Variants in BANP observed in about 807,000 individuals in gnomAD.
BANP encodes the protein protein BANP.
Under a neutral mutation model 68.1 loss-of-function variants are expected in BANP, and 11 were observed. That is an observed-to-expected ratio of 0.16 (90% CI 0.10 to 0.27). The LOEUF (loss-of-function observed/expected upper bound fraction) is 0.27, where lower values mean the gene tolerates loss of function less well. BANP is among the 10% of genes least tolerant of loss of function. The pLI is 1.00. For synonymous variants in BANP, 329 were observed against 303.2 expected (o/e 1.09, Z -0.88); for missense variants, 504 against 722.7 (o/e 0.70, Z 3.47).
rs2070185349 is a variant in BANP, at chr16:88,003,943, TTTA to T, written c.363-348_363-346del. ...CATGCAAGTGTGCCACCCTAGAAGCTTTATTAACTGGGTGCGATAACAGCTGGT... is the reference window on the plus strand; with the variant it reads ...CATGCAAGTGTGCCACCCTAGAAGCTTTAACTGGGTGCGATAACAGCTGGT... On this transcript the variant is annotated intron_variant, in intron 4 of 13. Coordinates refer to ENST00000682872, the MANE Select transcript of BANP (RefSeq NM_001386991.1). The surrounding 1 kb of genome is among the most constrained non-coding windows in gnomAD (Gnocchi z 6.1). The T allele has an allele frequency of 3.2e-6, 1 of 316,104 alleles. No individual in the cohort carries two copies. Among genetic ancestry groups the T allele is most frequent in the Non-Finnish European group, 6.1e-6 (1 of 164,718 alleles). The allele number at this position is 316,104 out of a possible 1,614,324, so 19.6% of individuals were successfully genotyped here. A position where few individuals can be genotyped will look rare whatever the true frequency, so the allele number is the denominator to read the frequency against.
In BANP at chr16:87,958,409, T is replaced by TA. The variant is rs564237408; in HGVS notation, c.-69+6895dup. On this transcript the variant is annotated intron_variant, in intron 1 of 13. Transcript: ENST00000682872. ...ACTTGCAGTGATGAGTGTATGAACT[T>TA]ACCATCGTAGGCCCCAGTCGAGAGC... Among the ~76,000 whole-genome samples the TA allele has an allele frequency of 1.6e-4, 24 of 152,340 alleles. No individual in the cohort carries two copies. The South Asian group carries it at 4.8e-3, about 30-fold the overall frequency.
chr16:88,038,486 C>A (rs1373826605), intron 11 of BANP, among the ~76,000 whole-genome samples: 1 of 151,880 alleles, frequency 6.6e-6, no homozygotes, highest in Non-Finnish European at 1.5e-5. Context: ...CACCCCACCC[C>A]CTTCAGATGG....
At chr16:88,044,892 G>C (rs1043345349) in intron 11 of BANP, among the ~76,000 whole-genome samples, 16 of 152,142 alleles carry the variant, frequency 1.1e-4, no homozygotes, top group Non-Finnish European at 2.9e-5. Context: ...TGAGGCAGGA[G>C]AATGGCTTGA....
chr16:88,053,036 A>G (rs62046883), intron 11 of BANP, among the ~76,000 whole-genome samples: 2 of 131,684 alleles, frequency 1.5e-5, no homozygotes, highest in South Asian at 4.8e-4. Context: ...ACCCTAACAA[A>G]CACTACCATC....
At chr16:87,996,078 A>G (rs1473315057) in intron 4 of BANP, among the ~76,000 whole-genome samples, 1 of 152,206 alleles carries the variant, frequency 6.6e-6, no homozygotes, top group South Asian at 2.1e-4. Context: ...GTTGAGGGTT[A>G]GGCGGAGAAC....
At chr16:88,047,336 C>T (rs2082260578) in intron 11 of BANP, among the ~76,000 whole-genome samples, 1 of 152,164 alleles carries the variant, frequency 6.6e-6, no homozygotes, top group Non-Finnish European at 1.5e-5. Flanking sequence ...GCCAGTTTCT[C>T]CCCACATCTC....
chr16:87,959,144 T>G (rs1348417733), intron 1 of BANP, among the ~76,000 whole-genome samples: 1 of 152,238 alleles, frequency 6.6e-6, no homozygotes, highest in Non-Finnish European at 1.5e-5. Flanking sequence ...TGTAAGTGTT[T>G]CTGGCCTTGT....
At chr16:88,017,951 A>G (rs1300052430) in intron 6 of BANP, among the ~76,000 whole-genome samples, 1 of 151,536 alleles carries the variant, frequency 6.6e-6, no homozygotes, top group Non-Finnish European at 1.5e-5. Context: ...GGGCGACGCC[A>G]GGCCGGCTGC....
At position 88,006,164 on chromosome 16, in the gene BANP, G is replaced by A; in HGVS notation, c.554G>A (p.Gly185Glu). 6.2e-7 allele frequency: 1 copy of A among 1,614,076 alleles called. No individual in the cohort carries two copies. The highest frequency in any genetic ancestry group is 8.5e-7 in the Non-Finnish European group (1 of 1,179,956). Residue 185 changes from glycine to glutamate, a missense_variant, in exon 6 of 14, where the codon GGG (glycine) becomes GAG (glutamate). Physicochemically the swap from Gly to Glu is moderately conservative, Grantham distance 98. Around this residue, in one of 3 missense-constraint regions of BANP, gnomAD observed 238 missense variants for 278.9 expected, o/e 0.85. Coordinates refer to ENST00000682872, the MANE Select transcript of BANP (RefSeq NM_001386991.1). ...PGQEDSHHED[G>E]ESGSEASDSV... The stretch of plus-strand genomic sequence containing the variant: ...CAAGAAGACAGCCACCACGAGGACG[G>A]GGAGAGCGGCTCGGAGGCCAGCGAC...
At chr16:87,972,532 T>C (rs974971949) in intron 1 of BANP, among the ~76,000 whole-genome samples, 1 of 152,180 alleles carries the variant, frequency 6.6e-6, no homozygotes. Flanking sequence ...AAATACATGA[T>C]TTTTGCATGA....
At chr16:87,975,810 GCGT>G (rs1308858561) in intron 2 of BANP, among the ~76,000 whole-genome samples, 2 of 101,262 alleles carry the variant, frequency 2.0e-5, no homozygotes, top group Non-Finnish European at 5.4e-5. Context: ...CCTGTGTGCG[GCGT>G]CATGGAACCT....
intron 11 of BANP, among the ~76,000 whole-genome samples, chr16:88,038,283 T>G (rs1007023561): frequency 6.6e-6 from 1 of 151,760 alleles, no homozygotes; most frequent in South Asian, 2.1e-4. Flanking sequence ...TGCCAAGGAA[T>G]GGGGGCTCTC....
At chr16:88,043,952 G>T (rs868708417) in intron 11 of BANP, among the ~76,000 whole-genome samples, 1 of 152,200 alleles carries the variant, frequency 6.6e-6, no homozygotes, top group South Asian at 2.1e-4. Flanking sequence ...CTTTATTTTT[G>T]AGTGCATTTT....
At position 87,957,527 on chromosome 16, in the gene BANP, C is replaced by T. The variant is rs1383867628; in HGVS notation, c.-69+6012C>T. On this transcript the variant is annotated intron_variant, in intron 1 of 13. Coordinates refer to ENST00000682872, the MANE Select transcript of BANP (RefSeq NM_001386991.1). The surrounding 1 kb of genome is among the most constrained non-coding windows in gnomAD (Gnocchi z 4.3). ...TTGAGGCAAGCTCACGGAGGCCTGCCGCAGGGCCCTGCGCTGACAAACCTT... is the reference window on the plus strand; with the variant it reads ...TTGAGGCAAGCTCACGGAGGCCTGCTGCAGGGCCCTGCGCTGACAAACCTT... Among the ~76,000 whole-genome samples the T allele has an allele frequency of 1.3e-5, 2 of 152,204 alleles. No homozygotes were observed. The highest frequency in any genetic ancestry group is 2.1e-4 in the South Asian group (1 of 4,832).
Position 88,003,023 on chromosome 16 carries a change from C to G in BANP, c.363-1272C>G, listed in dbSNP as rs1422328350. Reference sequence around the variant, plus strand: ...CTCCACTTGGGGAACATACCAAGCTCGTGCAAGTCAGGTAGCCTCTCCAGT... The same window carrying G: ...CTCCACTTGGGGAACATACCAAGCTGGTGCAAGTCAGGTAGCCTCTCCAGT... On this transcript the variant is annotated intron_variant, in intron 4 of 13. Transcript: ENST00000682872. The surrounding 1 kb of genome is among the most constrained non-coding windows in gnomAD (Gnocchi z 6.1). Among the ~76,000 whole-genome samples, 1 of 152,152 alleles carries G rather than the reference C, an allele frequency of 6.6e-6. No homozygotes were observed. The highest frequency in any genetic ancestry group is 1.5e-5 in the Non-Finnish European group (1 of 68,030).
intron 12 of BANP, among the ~76,000 whole-genome samples, chr16:88,068,530 G>A (rs1220931601): frequency 6.6e-6 from 1 of 152,176 alleles, no homozygotes; most frequent in Non-Finnish European, 1.5e-5. Flanking sequence ...GAACTTTCTC[G>A]GGGCCAGGAG....
At chr16:88,047,098 A>C (rs1366212743) in intron 11 of BANP, among the ~76,000 whole-genome samples, 3 of 152,008 alleles carry the variant, frequency 2.0e-5, no homozygotes, top group Non-Finnish European at 4.4e-5. Flanking sequence ...TATCATGTGA[A>C]CGTGTTTTGG....
chr16:88,068,286 G>C (rs1332637118), intron 12 of BANP, among the ~76,000 whole-genome samples: 1 of 152,240 alleles, frequency 6.6e-6, no homozygotes, highest in African/African-American at 2.4e-5. Flanking sequence ...CACCTGGTTG[G>C]CGTGAACCTT....
chr16:88,044,981 C>G (rs1277989580), intron 11 of BANP, among the ~76,000 whole-genome samples: 1 of 138,978 alleles, frequency 7.2e-6, no homozygotes, highest in Admixed American at 7.2e-5. Context: ...GACTCCGTCT[C>G]AAAAAAAAAA....
Sources: gnomAD v4.1 joint callset for allele counts (sites outside exome capture counted in the v4.1 genomes callset) on GRCh38, gnomAD v4.1.1 for gene constraint, gnomAD v4.1.1 regional missense constraint, Gnocchi (gnomAD v3.1) non-coding constraint, MANE v1.5 for transcripts, NCBI Gene and HGNC (gene_info 2026-07-23, HGNC 2026-07-21) for gene names.